KLHL29: variants seen among roughly 807,000 people sequenced by gnomAD.
The protein encoded by KLHL29 is kelch-like protein 29.
KLHL29 carries 21 observed loss-of-function variants against 80.4 expected under a neutral mutation model. The ratio of observed to expected loss-of-function variants is 0.26; its 90% CI spans 0.19 to 0.38. KLHL29 has a LOEUF of 0.38. Among genes scored for constraint, KLHL29 ranks in the 10% least tolerant of loss-of-function variants. The probability of loss-of-function intolerance (pLI) is 1.00; values close to 1 mark genes in which losing one functional copy is unlikely to be tolerated. For missense variants in KLHL29, 867 were observed against 1,223.9 expected (o/e 0.71, Z 4.35); for synonymous variants, 511 against 526.8 (o/e 0.97, Z 0.41).
chr2:23,520,119 G>A (rs566686613), intron 2 of KLHL29, among the ~76,000 whole-genome samples: 204 of 152,292 alleles, frequency 1.3e-3, no homozygotes, highest in African/African-American at 4.7e-3. Context: ...AGAGAGAGGA[G>A]GACGGGTCTG....
intron 1 of KLHL29, among the ~76,000 whole-genome samples, chr2:23,386,328 C>G (rs926104173): frequency 6.6e-6 from 1 of 152,166 alleles, no homozygotes; most frequent in African/African-American, 2.4e-5. Context: ...CATTTGGGGA[C>G]TGGGTCTCTT....
chr2:23,681,723 A>T lies in KLHL29; in HGVS notation c.941-2676A>T, dbSNP rs1671087271. On this transcript the variant is annotated intron_variant, in intron 5 of 13. Coordinates refer to ENST00000486442, the MANE Select transcript of KLHL29 (RefSeq NM_052920.2). The surrounding 1 kb of genome is among the most constrained non-coding windows in gnomAD (Gnocchi z 4.2). The stretch of plus-strand genomic sequence containing the variant: ...CAATTAGTGGCAGTGCTGGAACAAG[A>T]ACCAGGATCCAGGTCTTCAGAATCC... 6.6e-6 allele frequency among the ~76,000 whole-genome samples: 1 copy of T among 152,178 alleles called. No individual in the cohort carries two copies. The highest frequency in any genetic ancestry group is 1.5e-5 in the Non-Finnish European group (1 of 68,020).
At chr2:23,586,291 A>C (rs947763330) in intron 3 of KLHL29, among the ~76,000 whole-genome samples, 1 of 151,126 alleles carries the variant, frequency 6.6e-6, no homozygotes, top group African/African-American at 2.4e-5. Flanking sequence ...GAATGTCTTT[A>C]TCACCCCAAA....
At chr2:23,701,724 C>G (rs149686172) in intron 11 of KLHL29, among the ~76,000 whole-genome samples, 52 of 150,360 alleles carry the variant, frequency 3.5e-4, no homozygotes, top group African/African-American at 1.2e-3. Flanking sequence ...CTCAAACAAA[C>G]AAACCTTCAC....
intron 1 of KLHL29, among the ~76,000 whole-genome samples, chr2:23,441,703 G>A (rs1007139450): frequency 6.6e-6 from 1 of 152,194 alleles, no homozygotes; most frequent in African/African-American, 2.4e-5. Flanking sequence ...GGAGCTGGCT[G>A]TTGACTGGGA....
At chr2:23,701,793 C>CTTT (rs70941586) in intron 11 of KLHL29, among the ~76,000 whole-genome samples, 13 of 22,540 alleles carry the variant, frequency 5.8e-4, no homozygotes, top group Admixed American at 1.5e-3. Context: ...CTTTTTTTTG[C>CTTT]TTTTTTTTTT....
At chr2:23,579,678 G>A (rs1425564799) in intron 3 of KLHL29, among the ~76,000 whole-genome samples, 1 of 152,074 alleles carries the variant, frequency 6.6e-6, no homozygotes, top group Admixed American at 6.5e-5. Context: ...CCTCCAATCT[G>A]CCCACTCTGT....
At chr2:23,661,671 C>G (rs113644895) in intron 5 of KLHL29, among the ~76,000 whole-genome samples, 5 of 152,386 alleles carry the variant, frequency 3.3e-5, no homozygotes, top group African/African-American at 1.2e-4. Flanking sequence ...CCCCTGGGCA[C>G]TTGTCCTGGG....
chr2:23,581,573 C>G (rs566258164), intron 3 of KLHL29, among the ~76,000 whole-genome samples: 3 of 152,106 alleles, frequency 2.0e-5, no homozygotes, highest in African/African-American at 7.2e-5. Context: ...CGCCTATAAT[C>G]CCAGCACTTT....
At chr2:23,478,446 T>C (rs1358341796) in intron 2 of KLHL29, among the ~76,000 whole-genome samples, 2 of 152,178 alleles carry the variant, frequency 1.3e-5, no homozygotes, top group Non-Finnish European at 2.9e-5. Flanking sequence ...TGTAACCTGC[T>C]ACAAAACAGG....
intron 2 of KLHL29, among the ~76,000 whole-genome samples, chr2:23,486,417 C>T (rs1193242702): frequency 6.6e-6 from 1 of 151,856 alleles, no homozygotes; most frequent in Non-Finnish European, 1.5e-5. Flanking sequence ...CCGTGCCCCT[C>T]TTTGGATCTT....
rs904266920 is a variant in KLHL29 at position 23,529,823 on chromosome 2, G to A, written c.-45-32329G>A. ...CCGTCCTGAGACAGCCTGGGGGGCC[G>A]CATTTGCAGACTGAGCTCTGGTCGC... On this transcript the variant is annotated intron_variant, in intron 2 of 13. Coordinates refer to ENST00000486442, the MANE Select transcript of KLHL29 (RefSeq NM_052920.2). Among the ~76,000 whole-genome samples, 20 of 152,254 alleles carry A rather than the reference G, an allele frequency of 1.3e-4. No homozygotes were observed. In the East Asian group the frequency reaches 1.4e-3, roughly 10 times the overall value.
intron 2 of KLHL29, among the ~76,000 whole-genome samples, chr2:23,517,702 C>T (rs1321855692): frequency 6.6e-6 from 1 of 152,310 alleles, no homozygotes; most frequent in South Asian, 2.1e-4. Flanking sequence ...CTCCATGTGT[C>T]GCCGGAGTCC....
chr2:23,573,160 TC>T (rs1294422587), intron 3 of KLHL29, among the ~76,000 whole-genome samples: 1 of 152,230 alleles, frequency 6.6e-6, no homozygotes, highest in Non-Finnish European at 1.5e-5. Context: ...ACTGTGCCCT[TC>T]CCATCTCTCC....
At chr2:23,671,007 C>G (rs1158221914) in intron 5 of KLHL29, among the ~76,000 whole-genome samples, 11 of 93,634 alleles carry the variant, frequency 1.2e-4, no homozygotes, top group Non-Finnish European at 2.3e-4. Flanking sequence ...CCTCCCCCCC[C>G]CCACCTCCTC....
chr2:23,645,301 G>C (rs3795931), intron 5 of KLHL29, among the ~76,000 whole-genome samples: 14,593 of 152,150 alleles, frequency 0.096, 1,689 homozygotes, highest in East Asian at 0.45. Flanking sequence ...GACAGGACCA[G>C]GTGGGCTTGG....
In KLHL29 at chr2:23,441,723, C is replaced by A. The variant is rs540611194; in HGVS notation, c.-153-33837C>A. ...TGGCTGTTGACTGGGAACTCAACTGCTGCTGTTGACCACAGCTTCAGTTCC... is the reference window on the plus strand; with the variant it reads ...TGGCTGTTGACTGGGAACTCAACTGATGCTGTTGACCACAGCTTCAGTTCC... On this transcript the variant is annotated intron_variant, in intron 1 of 13. Coordinates refer to ENST00000486442, the MANE Select transcript of KLHL29 (RefSeq NM_052920.2). Among the ~76,000 whole-genome samples, 15 of 152,316 alleles carry A rather than the reference C, an allele frequency of 9.8e-5. No individual in the cohort carries two copies. The South Asian group carries it at 2.9e-3, about 29-fold the overall frequency.
At chr2:23,577,628 A>G (rs1467826126) in intron 3 of KLHL29, among the ~76,000 whole-genome samples, 4 of 151,792 alleles carry the variant, frequency 2.6e-5, no homozygotes, top group African/African-American at 4.8e-5. Flanking sequence ...GGCACCTGTA[A>G]TCCCAGCTAC....
intron 3 of KLHL29, among the ~76,000 whole-genome samples, chr2:23,582,908 T>G (rs1457371591): frequency 6.6e-6 from 1 of 152,104 alleles, no homozygotes; most frequent in Admixed American, 6.6e-5. Context: ...CAGAGGTAAC[T>G]AAAGTAAGGC....
Sources: gnomAD v4.1 joint callset for allele counts (sites outside exome capture counted in the v4.1 genomes callset) on GRCh38, gnomAD v4.1.1 for gene constraint, Gnocchi (gnomAD v3.1) non-coding constraint, MANE v1.5 for transcripts, NCBI Gene and HGNC (gene_info 2026-07-23, HGNC 2026-07-21) for gene names.